Variants in RNF220 observed in about 807,000 individuals in gnomAD.
The protein encoded by RNF220 is E3 ubiquitin-protein ligase RNF220.
A neutral mutation model predicts 67.1 loss-of-function variants in RNF220; 7 were observed. The ratio of observed to expected loss-of-function variants is 0.10; its 90% CI spans 0.06 to 0.20. The LOEUF is 0.20. RNF220 is among the 10% of genes least tolerant of loss of function. RNF220 has a pLI of 1.00. For missense variants in RNF220, 565 were observed against 740.3 expected, an observed-to-expected ratio of 0.76 and a Z score of 2.75; for synonymous variants, 270 against 283.2, an observed-to-expected ratio of 0.95 and a Z score of 0.47.
intron 2 of RNF220, among the ~76,000 whole-genome samples, chr1:44,516,787 A>G (rs1659482230): frequency 6.6e-6 from 1 of 152,058 alleles, no homozygotes; most frequent in Admixed American, 6.6e-5. Context: ...TGATTTCTTC[A>G]CCTAACTTCA....
intron 2 of RNF220, among the ~76,000 whole-genome samples, chr1:44,500,662 G>C (rs1657759054): frequency 6.6e-6 from 1 of 152,202 alleles, no homozygotes; most frequent in South Asian, 2.1e-4. Flanking sequence ...CTGCAGCTCT[G>C]TACAAGGAGG....
intron 2 of RNF220, among the ~76,000 whole-genome samples, chr1:44,431,185 G>A (rs571874314): frequency 2.6e-5 from 4 of 152,298 alleles, no homozygotes; most frequent in African/African-American, 9.6e-5. Context: ...GAGCTATATA[G>A]TGAAGGTAGT....
intron 3 of RNF220, among the ~76,000 whole-genome samples, chr1:44,619,181 A>C (rs1053095894): frequency 6.6e-6 from 1 of 152,166 alleles, no homozygotes; most frequent in African/African-American, 2.4e-5. Flanking sequence ...GCATGGAGAG[A>C]TTGCACAAAG....
rs1039615841 is a variant in RNF220 at position 44,467,490 on chromosome 1, C to T, written c.625+54768C>T. 9.2e-5 allele frequency among the ~76,000 whole-genome samples: 14 copies of T among 152,234 alleles called. 1 individual carries two copies. The highest frequency in any genetic ancestry group is 5.2e-4 in the Admixed American group (8 of 15,290). On this transcript the variant is annotated intron_variant, in intron 2 of 14. Coordinates refer to ENST00000361799, the MANE Select transcript of RNF220 (RefSeq NM_018150.4). The stretch of plus-strand genomic sequence containing the variant: ...CCTCCCAAAGTGCTGGGATTACAGG[C>T]GTGAGCCACCGCACCTGGCTGCTTC...
At chr1:44,414,234 T>G (rs1648294791) in intron 2 of RNF220, among the ~76,000 whole-genome samples, 1 of 152,246 alleles carries the variant, frequency 6.6e-6, no homozygotes, top group East Asian at 1.9e-4. Flanking sequence ...CATTTGATTT[T>G]ATTTTAGTTT....
intron 2 of RNF220, among the ~76,000 whole-genome samples, chr1:44,612,973 T>C (rs965708994): frequency 1.3e-5 from 2 of 152,120 alleles, no homozygotes; most frequent in Non-Finnish European, 2.9e-5. Context: ...AGAGCATCCA[T>C]GGATATGCAG....
intron 2 of RNF220, among the ~76,000 whole-genome samples, chr1:44,433,392 A>G (rs1236176190): frequency 1.3e-5 from 2 of 152,208 alleles, no homozygotes; most frequent in Admixed American, 1.3e-4. Context: ...TTCCACAGGA[A>G]ACAGTTTGTG....
At chr1:44,599,283 C>T (rs548439522) in intron 2 of RNF220, among the ~76,000 whole-genome samples, 225 of 152,220 alleles carry the variant, frequency 1.5e-3, no homozygotes, top group Non-Finnish European at 2.6e-3. Flanking sequence ...ATGCAATAAT[C>T]GACATATAGA....
intron 2 of RNF220, among the ~76,000 whole-genome samples, chr1:44,559,605 C>T (rs1263282943): frequency 2.0e-5 from 3 of 152,128 alleles, no homozygotes; most frequent in African/African-American, 7.2e-5. Context: ...CGGTCTAGCC[C>T]CGGGAGGAAG....
chr1:44,421,356 A>G (rs1431086248), intron 2 of RNF220, among the ~76,000 whole-genome samples: 1 of 152,184 alleles, frequency 6.6e-6, no homozygotes, highest in Non-Finnish European at 1.5e-5. Flanking sequence ...GATTTGCTGT[A>G]ATAGTATTTG....
At chr1:44,553,712 C>G (rs1662852893) in intron 2 of RNF220, among the ~76,000 whole-genome samples, 1 of 152,176 alleles carries the variant, frequency 6.6e-6, no homozygotes, top group South Asian at 2.1e-4. Flanking sequence ...AGTGTCCCAT[C>G]TCTGAGAATG....
intron 2 of RNF220, among the ~76,000 whole-genome samples, chr1:44,609,654 C>T (rs1178799532): frequency 6.6e-6 from 1 of 152,180 alleles, no homozygotes; most frequent in Non-Finnish European, 1.5e-5. Flanking sequence ...TGATCTAGGA[C>T]CCCGGGTACC....
At chr1:44,550,811 G>A (rs145345011) in intron 2 of RNF220, among the ~76,000 whole-genome samples, 63 of 152,280 alleles carry the variant, frequency 4.1e-4, no homozygotes, top group African/African-American at 1.4e-3. Flanking sequence ...TGCTCAGGGC[G>A]TTCTTGGGCC....
chr1:44,509,154 C>T (rs1658713420), intron 2 of RNF220, among the ~76,000 whole-genome samples: 1 of 152,216 alleles, frequency 6.6e-6, no homozygotes, highest in African/African-American at 2.4e-5. Flanking sequence ...AGGAAGTCTA[C>T]TCAAGTGAGC....
chr1:44,572,702 C>G (rs1028208197), intron 2 of RNF220, among the ~76,000 whole-genome samples: 2 of 152,140 alleles, frequency 1.3e-5, no homozygotes. Flanking sequence ...TCAGCTCTCT[C>G]GGTGTCTGTG....
At chr1:44,612,728 G>C (rs932838013) in intron 2 of RNF220, among the ~76,000 whole-genome samples, 1 of 151,506 alleles carries the variant, frequency 6.6e-6, no homozygotes, top group Non-Finnish European at 1.5e-5. Context: ...TTTAGTATAA[G>C]TATGTCCCGT....
chr1:44,503,195 A>G (rs1442416515), intron 2 of RNF220, among the ~76,000 whole-genome samples: 5 of 152,002 alleles, frequency 3.3e-5, no homozygotes, highest in Admixed American at 6.6e-5. Context: ...TTAGCTGGGT[A>G]TGGTGGCACA....
At chr1:44,530,476 A>G (rs1400805128) in intron 2 of RNF220, among the ~76,000 whole-genome samples, 1 of 152,046 alleles carries the variant, frequency 6.6e-6, no homozygotes. Flanking sequence ...TAGATGCGCA[A>G]TGCTGATACA....
At chr1:44,538,657 T>TTTGGGA (rs1661428443) in intron 2 of RNF220, among the ~76,000 whole-genome samples, 1 of 152,176 alleles carries the variant, frequency 6.6e-6, no homozygotes, top group South Asian at 2.1e-4. Context: ...GGCTCATGCC[T>TTTGGGA]GTAATCCCAG....
Sources: gnomAD v4.1 joint callset for allele counts (sites outside exome capture counted in the v4.1 genomes callset) on GRCh38, gnomAD v4.1.1 for gene constraint, MANE v1.5 for transcripts, NCBI Gene and HGNC (gene_info 2026-07-23, HGNC 2026-07-21) for gene names.